The following CDH12 variants were observed in gnomAD, a reference collection of about 807,000 sequenced individuals.
CDH12 encodes cadherin-12.
CDH12 carries 41 observed loss-of-function variants against 74.1 expected under a neutral mutation model. That is an observed-to-expected ratio of 0.55 (90% CI 0.43 to 0.72). The LOEUF is 0.72. Ranked by LOEUF, CDH12 falls within the 30% of genes least tolerant of loss-of-function variation. The pLI is 0.00. For missense variants in CDH12, 945 were observed against 977.2 expected, an observed-to-expected ratio of 0.97 and a Z score of 0.44; for synonymous variants, 399 against 355.0, an observed-to-expected ratio of 1.12 and a Z score of -1.39.
intron 5 of CDH12, among the ~76,000 whole-genome samples, chr5:22,077,075 T>C (rs1048471869): frequency 8.9e-4 from 123 of 138,024 alleles, no homozygotes; most frequent in African/African-American, 2.9e-3. Flanking sequence ...TGTGTGTGTG[T>C]GTGCGCGTGT....
chr5:22,773,808 A>T (rs1394594736), intron 1 of CDH12, among the ~76,000 whole-genome samples: 1 of 152,080 alleles, frequency 6.6e-6, no homozygotes, highest in African/African-American at 2.4e-5. Context: ...CAAAACATAT[A>T]TAACCCTATT....
At chr5:22,594,074 T>A (rs1230858283) in intron 1 of CDH12, among the ~76,000 whole-genome samples, 1 of 152,180 alleles carries the variant, frequency 6.6e-6, no homozygotes, top group Non-Finnish European at 1.5e-5. Context: ...TCTAAAAGAC[T>A]GAGACTAAAG....
intron 5 of CDH12, among the ~76,000 whole-genome samples, chr5:22,026,049 A>G (rs1738328843): frequency 6.6e-6 from 1 of 152,094 alleles, no homozygotes; most frequent in South Asian, 2.1e-4. Flanking sequence ...CCAAATTCCT[A>G]TTAATGTTGG....
chr5:21,930,736 C>T lies in CDH12; in HGVS notation c.526+44355G>A, dbSNP rs551494438. Reference sequence around the variant, plus strand: ...ATAAGAATGTAGCACAGTATAAGTACATAAAAAAGTTGTAACATACAATTG... The same window carrying T: ...ATAAGAATGTAGCACAGTATAAGTATATAAAAAAGTTGTAACATACAATTG... On this transcript the variant is annotated intron_variant, in intron 6 of 14. Coordinates refer to ENST00000382254, the MANE Select transcript of CDH12 (RefSeq NM_004061.5). 4.6e-5 allele frequency among the ~76,000 whole-genome samples: 7 copies of T among 152,138 alleles called. No individual in the cohort carries two copies. The South Asian group carries it at 1.2e-3, about 27-fold the overall frequency.
At chr5:22,515,461 T>A (rs1413979857) in intron 1 of CDH12, among the ~76,000 whole-genome samples, 1 of 152,094 alleles carries the variant, frequency 6.6e-6, no homozygotes, top group African/African-American at 2.4e-5. Context: ...GAAATATTGA[T>A]CAATGAATGT....
intron 3 of CDH12, among the ~76,000 whole-genome samples, chr5:22,246,693 T>TC (rs1752956673): frequency 6.6e-6 from 1 of 152,188 alleles, no homozygotes; most frequent in African/African-American, 2.4e-5. Flanking sequence ...TCAACAGGGC[T>TC]TCACAAAATG....
chr5:22,497,238 A>C (rs1747137010), intron 2 of CDH12, among the ~76,000 whole-genome samples: 2 of 152,190 alleles, frequency 1.3e-5, no homozygotes, highest in South Asian at 2.1e-4. Context: ...TTTTGTATGA[A>C]TATATCAAAT....
intron 6 of CDH12, among the ~76,000 whole-genome samples, chr5:21,934,170 C>T (rs374664585): frequency 1.3e-5 from 2 of 152,102 alleles, no homozygotes; most frequent in African/African-American, 2.4e-5. Flanking sequence ...TCTGTGTCCC[C>T]GCCCAAATCT....
intron 1 of CDH12, among the ~76,000 whole-genome samples, chr5:22,693,202 C>G (rs2355852): frequency 6.6e-6 from 1 of 151,850 alleles, no homozygotes; most frequent in Non-Finnish European, 1.5e-5. Context: ...TGTCTTATGA[C>G]GGTTCTATTT....
intron 1 of CDH12, among the ~76,000 whole-genome samples, chr5:22,605,816 G>C (rs115526687): frequency 4.9e-4 from 74 of 152,320 alleles, no homozygotes; most frequent in African/African-American, 1.7e-3. Context: ...TTTCCATCTT[G>C]CTCTTGGGCA....
intron 1 of CDH12, among the ~76,000 whole-genome samples, chr5:22,814,572 A>G (rs1264252569): frequency 6.6e-6 from 1 of 152,188 alleles, no homozygotes; most frequent in Non-Finnish European, 1.5e-5. Context: ...ATAGATGTAA[A>G]ATCAATCTAT....
chr5:21,778,756 C>T (rs371770875), intron 11 of CDH12, among the ~76,000 whole-genome samples: 7 of 152,010 alleles, frequency 4.6e-5, no homozygotes, highest in Admixed American at 6.6e-5. Context: ...TTCTCCTAAC[C>T]CACAACAAAT....
intron 11 of CDH12, among the ~76,000 whole-genome samples, chr5:21,778,765 A>G (rs918371259): frequency 2.0e-5 from 3 of 152,122 alleles, no homozygotes; most frequent in Admixed American, 2.0e-4. Flanking sequence ...CCCACAACAA[A>G]TAATGTTTTG....
At chr5:22,254,490 T>C (rs369924839) in intron 3 of CDH12, among the ~76,000 whole-genome samples, 3 of 151,892 alleles carry the variant, frequency 2.0e-5, no homozygotes, top group East Asian at 3.9e-4. Context: ...TCTTCTTATT[T>C]CTTTTGTACC....
At chr5:22,297,362 A>T (rs989306902) in intron 3 of CDH12, among the ~76,000 whole-genome samples, 1 of 152,108 alleles carries the variant, frequency 6.6e-6, no homozygotes, top group Non-Finnish European at 1.5e-5. Flanking sequence ...TTTCTAACTG[A>T]GTCAAATGGC....
At chr5:22,306,103 G>T (rs943741267) in intron 3 of CDH12, among the ~76,000 whole-genome samples, 11 of 152,112 alleles carry the variant, frequency 7.2e-5, no homozygotes, top group African/African-American at 2.7e-4. Flanking sequence ...TTTTGTTCAG[G>T]CTCTTTCTTC....
In CDH12 at chr5:22,702,892, A is replaced by G. The variant is rs558183520; in HGVS notation, c.-523+150166T>C. Among the ~76,000 whole-genome samples the G allele has an allele frequency of 6.6e-5, 10 of 152,198 alleles. No homozygotes were observed. The East Asian group carries it at 1.9e-3, about 29-fold the overall frequency. Reference sequence around the variant, plus strand: ...CCCGAAAACCTTACCACTTTTTACAATAGTTACATTTTGTTAAGTAAATAA... The same window carrying G: ...CCCGAAAACCTTACCACTTTTTACAGTAGTTACATTTTGTTAAGTAAATAA... On this transcript the variant is annotated intron_variant, in intron 1 of 14. Coordinates refer to ENST00000382254, the MANE Select transcript of CDH12 (RefSeq NM_004061.5).
chr5:22,349,948 G>C (rs751290534), intron 3 of CDH12, among the ~76,000 whole-genome samples: 1 of 152,168 alleles, frequency 6.6e-6, no homozygotes, highest in East Asian at 1.9e-4. Context: ...ATAAATAAAT[G>C]ATTGTACACA....
chr5:22,710,363 A>C (rs1455932459), intron 1 of CDH12, among the ~76,000 whole-genome samples: 6 of 152,274 alleles, frequency 3.9e-5, no homozygotes, highest in Admixed American at 3.9e-4. Flanking sequence ...CAGCATTTGG[A>C]ATTGTCCACT....
Sources: allele counts gnomAD v4.1 joint callset (sites outside exome capture counted in the v4.1 genomes callset), GRCh38; gene constraint gnomAD v4.1.1; transcripts MANE v1.5; gene names NCBI Gene and HGNC (gene_info 2026-07-23, HGNC 2026-07-21).